The following GPR39 variants were observed in gnomAD, a reference collection of about 807,000 sequenced individuals.
GPR39 encodes the protein G protein-coupled receptor 39.
GPR39 carries 23 observed loss-of-function variants against 18.4 expected under a neutral mutation model. The observed-to-expected ratio is 1.25, with a 90% confidence interval of 0.90 to 1.77. The LOEUF (loss-of-function observed/expected upper bound fraction) is 1.77, where lower values mean the gene tolerates loss of function less well. Ranked by LOEUF, GPR39 falls within the 40% of genes most tolerant of loss-of-function variation. The pLI is 0.00. For synonymous variants in GPR39, 280 were observed against 257.9 expected (o/e 1.09, Z -0.82); for missense variants, 647 against 602.4 (o/e 1.07, Z -0.78).
At chr2:132,514,611 T>C (rs1679298546) in intron 1 of GPR39, among the ~76,000 whole-genome samples, 2 of 152,210 alleles carry the variant, frequency 1.3e-5, no homozygotes, top group African/African-American at 4.8e-5. Context: ...TGCAGGCTCC[T>C]TGCAGGATGT....
At chr2:132,487,739 A>G (rs1422091000) in intron 1 of GPR39, among the ~76,000 whole-genome samples, 1 of 152,194 alleles carries the variant, frequency 6.6e-6, no homozygotes, top group East Asian at 1.9e-4. Flanking sequence ...TACATAATGC[A>G]ATCCAGAGAG....
At chr2:132,553,188 C>T (rs890037742) in intron 1 of GPR39, among the ~76,000 whole-genome samples, 2 of 151,544 alleles carry the variant, frequency 1.3e-5, no homozygotes, top group African/African-American at 4.8e-5. Flanking sequence ...GCTGGGATTA[C>T]AGGCATGAGC....
chr2:132,460,346 T>C (rs1389431328), intron 1 of GPR39, among the ~76,000 whole-genome samples: 1 of 152,164 alleles, frequency 6.6e-6, no homozygotes, highest in African/African-American at 2.4e-5. Flanking sequence ...GATAGATGAA[T>C]CTGATGTGTC....
rs186120961 is a variant in GPR39, at chr2:132,534,602, A to G, written c.857-110499A>G. Among the ~76,000 whole-genome samples, 398 of 151,520 alleles carry G rather than the reference A, an allele frequency of 2.6e-3. 2 individuals are homozygous for G. Among genetic ancestry groups the G allele is most frequent in the African/African-American group, 8.9e-3 (369 of 41,466 alleles). ...TTGGAACCAACCCAAATGTCCAACA[A>G]TGATAGACTGGATTAAGAAAATGTG... is the stretch of plus-strand genomic sequence containing the variant. On this transcript the variant is annotated intron_variant, in intron 1 of 1. Transcript: ENST00000329321.
rs114488787 is a variant in GPR39 at position 132,462,300 on chromosome 2, G to A, written c.856+44402G>A. On this transcript the variant is annotated intron_variant, in intron 1 of 1. Transcript: ENST00000329321. The stretch of plus-strand genomic sequence containing the variant: ...GGCCTTGTAGTATCAAGAGGTTGTG[G>A]TGCTCCCTGTTTCTTGTGAAAGGAT... Among the ~76,000 whole-genome samples the A allele has an allele frequency of 7.2e-3, 1,098 of 152,296 alleles. 8 individuals carry two copies. The highest frequency in any genetic ancestry group is 0.025 in the African/African-American group (1,032 of 41,560).
Position 132,585,710 on chromosome 2 carries a change from C to T in GPR39, c.857-59391C>T, listed in dbSNP as rs557370730. On this transcript the variant is annotated intron_variant, in intron 1 of 1. Transcript: ENST00000329321. ...GGACGGGCAAGGGGGGCGCAGTTTG[C>T]GAACTGCTGGGGTTCTCGGAGGGCC... Among the ~76,000 whole-genome samples, 4 of 151,792 alleles carry T rather than the reference C, an allele frequency of 2.6e-5. No homozygotes were observed. The South Asian group carries it at 8.4e-4, about 32-fold the overall frequency.
chr2:132,452,277 C>A (rs188741771), intron 1 of GPR39, among the ~76,000 whole-genome samples: 1 of 152,264 alleles, frequency 6.6e-6, no homozygotes, highest in Non-Finnish European at 1.5e-5. Context: ...CTGTGACTTT[C>A]AAGATGTAGT....
chr2:132,482,409 T>C (rs1681252269), intron 1 of GPR39, among the ~76,000 whole-genome samples: 1 of 152,176 alleles, frequency 6.6e-6, no homozygotes, highest in Non-Finnish European at 1.5e-5. Flanking sequence ...TCATCCTTTT[T>C]TTGTAGAAGT....
intron 1 of GPR39, among the ~76,000 whole-genome samples, chr2:132,566,098 T>G (rs1451585077): frequency 7.0e-6 from 1 of 143,802 alleles, no homozygotes; most frequent in Non-Finnish European, 1.5e-5. Flanking sequence ...CCATTCTAAC[T>G]GGTGTGAGAT....
At chr2:132,504,066 G>A (rs773765523) in intron 1 of GPR39, among the ~76,000 whole-genome samples, 59 of 152,308 alleles carry the variant, frequency 3.9e-4, no homozygotes, top group African/African-American at 1.4e-3. Context: ...TGGCATCTCA[G>A]GGAGCCTGCA....
chr2:132,417,850 G>A lies in GPR39; in HGVS notation c.808G>A (p.Glu270Lys), dbSNP rs1182398835. 7 of 1,610,160 alleles carry A rather than the reference G, an allele frequency of 4.3e-6. No homozygotes were observed. The highest frequency in any genetic ancestry group is 4.2e-6 in the Non-Finnish European group (5 of 1,179,622). ...GCGGCCTCCGCAGCTGAGGAAGTCC[G>A]AGAGCGAAGAGAGCAGGACCGCCAG... is the stretch of plus-strand genomic sequence containing the variant. ...GTRPPQLRKS[E>K]SEESRTARRQ... The change falls in exon 1 of 2, where the codon GAG (glutamate) becomes AAG (lysine). Residue 270 changes from glutamate (E) to lysine (K), a missense_variant. Physicochemically the swap from Glu to Lys is moderately conservative, Grantham distance 56 (BLOSUM62 1). Transcript: ENST00000329321.
chr2:132,590,671 A>G (rs890184609), intron 1 of GPR39, among the ~76,000 whole-genome samples: 5 of 152,154 alleles, frequency 3.3e-5, no homozygotes, highest in African/African-American at 4.8e-5. Flanking sequence ...AAGCCTAAGC[A>G]CTGTTCCTCA....
intron 1 of GPR39, among the ~76,000 whole-genome samples, chr2:132,593,819 G>A (rs879738919): frequency 1.3e-5 from 2 of 152,058 alleles, no homozygotes; most frequent in African/African-American, 2.4e-5. Context: ...GATATTTGAG[G>A]CTGCAAGTCC....
chr2:132,493,301 CAT>C (rs1404012136), intron 1 of GPR39, among the ~76,000 whole-genome samples: 2 of 141,870 alleles, frequency 1.4e-5, no homozygotes, highest in African/African-American at 5.2e-5. Context: ...ATATATACAC[CAT>C]ATATATACCA....
At chr2:132,467,851 C>T (rs1476237342) in intron 1 of GPR39, among the ~76,000 whole-genome samples, 1 of 152,192 alleles carries the variant, frequency 6.6e-6, no homozygotes, top group Non-Finnish European at 1.5e-5. Flanking sequence ...ATTTACTCTT[C>T]ATACCCCTTT....
In GPR39 at chr2:132,645,685, C is replaced by T. The variant is rs1682030195; in HGVS notation, c.*79C>T. On this transcript the variant is annotated 3_prime_UTR_variant, in exon 2 of 2. Coordinates refer to ENST00000329321, the MANE Select transcript of GPR39 (RefSeq NM_001508.3). ...GTCACTCTCACTCTGCAGTCTCAAA[C>T]TATGCCCCCATCAGGGATGGAATGG... 5.9e-6 allele frequency: 9 copies of T among 1,521,104 alleles called. No individual in the cohort carries two copies. The highest frequency in any genetic ancestry group is 7.9e-6 in the Non-Finnish European group (9 of 1,133,968). 94.2% of individuals were successfully genotyped at this position (1,521,104 alleles called of 1,614,324 possible).
intron 1 of GPR39, among the ~76,000 whole-genome samples, chr2:132,540,141 C>T (rs1679835990): frequency 6.6e-6 from 1 of 152,166 alleles, no homozygotes. Context: ...ATCTGCTAAA[C>T]TTCTTGTACT....
intron 1 of GPR39, among the ~76,000 whole-genome samples, chr2:132,618,156 G>C (rs1177349122): frequency 6.6e-6 from 1 of 152,250 alleles, no homozygotes; most frequent in Non-Finnish European, 1.5e-5. Context: ...CCTAAGTTAA[G>C]TGGAAAAAGA....
chr2:132,505,791 C>G (rs1377427697), intron 1 of GPR39, among the ~76,000 whole-genome samples: 1 of 152,160 alleles, frequency 6.6e-6, no homozygotes, highest in Non-Finnish European at 1.5e-5. Flanking sequence ...TTTTAAAAAT[C>G]CATTCATCCA....
Sources: allele counts gnomAD v4.1 joint callset (sites outside exome capture counted in the v4.1 genomes callset), GRCh38; gene constraint gnomAD v4.1.1; transcripts MANE v1.5; gene names NCBI Gene and HGNC (gene_info 2026-07-23, HGNC 2026-07-21).